CBR4: variants seen among roughly 807,000 people sequenced by gnomAD.
CBR4 encodes the protein 3-oxoacyl-[acyl-carrier-protein] reductase.
In CBR4, 22 loss-of-function variants were observed where a neutral mutation model predicts 21.0. The ratio of observed to expected loss-of-function variants is 1.05; its 90% CI spans 0.75 to 1.50. CBR4 has a LOEUF of 1.50. Among genes scored for constraint, CBR4 ranks in the 40% most tolerant of loss-of-function variants. The pLI, the probability that CBR4 is intolerant of heterozygous loss-of-function variation, is 0.00. For missense variants in CBR4, 302 were observed against 286.3 expected (o/e 1.05, Z -0.40); for synonymous variants, 100 against 104.4 (o/e 0.96, Z 0.26).
intron 2 of CBR4, among the ~76,000 whole-genome samples, chr4:168,979,266 G>A (rs1166608244): frequency 1.3e-5 from 2 of 151,904 alleles, no homozygotes; most frequent in African/African-American, 2.4e-5. Context: ...GCAGCAGGCA[G>A]GCCCGCCATT....
At chr4:168,997,591 C>G (rs754579315) in intron 4 of CBR4, among the ~76,000 whole-genome samples, 9 of 152,138 alleles carry the variant, frequency 5.9e-5, no homozygotes, top group Non-Finnish European at 1.3e-4. Context: ...GAAACCCCAT[C>G]TCAAAAAAAT....
intron 2 of CBR4, among the ~76,000 whole-genome samples, chr4:168,965,538 G>C (rs1250426804): frequency 6.6e-6 from 1 of 152,122 alleles, no homozygotes; most frequent in Non-Finnish European, 1.5e-5. Context: ...GCATGGTACT[G>C]GTACCAAAAC....
intron 3 of CBR4, chr4:169,005,985 A>G (rs1730881155): frequency 1.9e-6 from 2 of 1,050,642 alleles, no homozygotes; most frequent in Admixed American, 4.7e-5. Context: ...CCAAACTGAA[A>G]TAAAATTTCA....
rs546842728 is a variant in CBR4, at chr4:168,940,857, T to A, written n.170-46092A>T. Reference sequence around the variant, plus strand: ...GGAGTGTAAATTAGTTCAACCATTGTGGAAGACAGTGTGGCGATTCCTCAA... The same window carrying A: ...GGAGTGTAAATTAGTTCAACCATTGAGGAAGACAGTGTGGCGATTCCTCAA... On this transcript the variant is annotated intron_variant and non_coding_transcript_variant, in intron 2 of 3. Coordinates refer to the CBR4 transcript ENST00000509108. Among the ~76,000 whole-genome samples, 87 of 152,348 alleles carry A rather than the reference T, an allele frequency of 5.7e-4. 1 individual carries two copies. Among genetic ancestry groups the A allele is most frequent in the African/African-American group, 2.1e-3 (86 of 41,596 alleles).
intron 1 of CBR4, 21 bp downstream of exon 1, chr4:169,009,927 C>A: frequency 6.2e-7 from 1 of 1,603,602 alleles, no homozygotes; most frequent in Non-Finnish European, 8.5e-7. Context: ...TACAACTGGA[C>A]AACTCCAGTT....
intron 2 of CBR4, among the ~76,000 whole-genome samples, chr4:168,961,762 C>A (rs895371862): frequency 1.3e-5 from 2 of 152,046 alleles, no homozygotes; most frequent in Non-Finnish European, 2.9e-5. Context: ...TGGCGAAAGG[C>A]GCCTGTAATC....
chr4:168,990,428 A>G, intron 4 of CBR4, 100 bp from the exon 5 acceptor site: 1 of 1,207,670 alleles, frequency 8.3e-7, no homozygotes, highest in Non-Finnish European at 1.1e-6. Flanking sequence ...TTTTAATTTG[A>G]AATTATTTAA....
intron 4 of CBR4, 69 bp downstream of exon 4, chr4:169,002,002 G>T: frequency 1.6e-6 from 2 of 1,278,292 alleles, no homozygotes; most frequent in Non-Finnish European, 2.1e-6. Context: ...AATTACTAAT[G>T]TTCCAAATAA....
intron 2 of CBR4, among the ~76,000 whole-genome samples, chr4:168,916,700 G>A (rs201487462): frequency 4.9e-5 from 2 of 40,730 alleles, no homozygotes; most frequent in African/African-American, 9.1e-5. Flanking sequence ...TTTTTTTTTT[G>A]AGACAGAGTC....
At chr4:168,925,682 TAAAA>T (rs201771137) in intron 2 of CBR4, among the ~76,000 whole-genome samples, 4 of 151,886 alleles carry the variant, frequency 2.6e-5, no homozygotes, top group African/African-American at 9.7e-5. Flanking sequence ...TCCATTGACA[TAAAA>T]AAAACACTAG....
intron 2 of CBR4, among the ~76,000 whole-genome samples, chr4:168,897,782 T>C (rs1755534574): frequency 6.6e-6 from 1 of 151,836 alleles, no homozygotes; most frequent in Admixed American, 6.6e-5. Flanking sequence ...AAGGAAATTG[T>C]AGGATCCACC....
chr4:168,894,647 T>A lies in CBR4; in HGVS notation n.288A>T, dbSNP rs2151217538. On this transcript the variant is annotated non_coding_transcript_exon_variant, in exon 3 of 4. Coordinates refer to the CBR4 transcript ENST00000509108. ...CTGACAGTGCAACTGTCTTTAATAT[T>A]CAGGAGCCAGAAGAGGAAACAGCTA... 1 of 1,613,768 alleles carries A rather than the reference T, an allele frequency of 6.2e-7. No individual in the cohort carries two copies. Among genetic ancestry groups the A allele is most frequent in the Non-Finnish European group, 8.5e-7 (1 of 1,179,774 alleles).
At chr4:168,921,685 G>C in intron 2 of CBR4, 1 of 1,611,614 alleles carries the variant, frequency 6.2e-7, no homozygotes, top group Non-Finnish European at 8.5e-7. Context: ...ATCTACACAT[G>C]TATAGCTACC....
chr4:168,999,859 T>A (rs984158991), intron 4 of CBR4, among the ~76,000 whole-genome samples: 1 of 152,226 alleles, frequency 6.6e-6, no homozygotes, highest in South Asian at 2.1e-4. Flanking sequence ...CTATTTTATA[T>A]TCGTCATATG....
intron 2 of CBR4, among the ~76,000 whole-genome samples, chr4:168,906,093 C>A (rs1368257111): frequency 1.3e-5 from 2 of 152,116 alleles, no homozygotes; most frequent in Non-Finnish European, 2.9e-5. Context: ...TGGTGGAGAA[C>A]TGACAAAATC....
At chr4:168,950,377 A>T (rs188493723) in intron 2 of CBR4, among the ~76,000 whole-genome samples, 2 of 152,246 alleles carry the variant, frequency 1.3e-5, no homozygotes, top group African/African-American at 4.8e-5. Flanking sequence ...AAAGCAGGTT[A>T]ATTTTCATGT....
intron 2 of CBR4, among the ~76,000 whole-genome samples, chr4:168,957,487 A>C (rs1396385228): frequency 6.6e-6 from 1 of 152,140 alleles, no homozygotes; most frequent in African/African-American, 2.4e-5. Flanking sequence ...TACCAACTTA[A>C]CTGAGGTGTA....
At chr4:168,971,857 C>T (rs1369042597) in intron 2 of CBR4, among the ~76,000 whole-genome samples, 1 of 152,148 alleles carries the variant, frequency 6.6e-6, no homozygotes, top group African/African-American at 2.4e-5. Flanking sequence ...TGGCCATGAA[C>T]TCTTTAGGCC....
At chr4:168,931,553 G>T (rs1439260318) in intron 2 of CBR4, among the ~76,000 whole-genome samples, 1 of 151,814 alleles carries the variant, frequency 6.6e-6, no homozygotes, top group South Asian at 2.1e-4. Context: ...CCCCTGGCTG[G>T]CTGAGAGGCA....
Sources: gnomAD v4.1 joint callset for allele counts (sites outside exome capture counted in the v4.1 genomes callset) on GRCh38, gnomAD v4.1.1 for gene constraint, MANE v1.5 for transcripts, NCBI Gene and HGNC (gene_info 2026-07-23, HGNC 2026-07-21) for gene names.